RIMS1: variants seen among roughly 807,000 people sequenced by gnomAD.
RIMS1 encodes the protein regulating synaptic membrane exocytosis protein 1.
RIMS1 carries 83 observed loss-of-function variants against 214.1 expected under a neutral mutation model. The observed-to-expected ratio is 0.39, with a 90% CI of 0.32 to 0.47. The LOEUF is 0.47. RIMS1 is among the 20% of genes least tolerant of loss of function. RIMS1 has a pLI of 0.99. For synonymous variants in RIMS1, 793 were observed against 786.8 expected (o/e 1.01, Z -0.13); for missense variants, 2,050 against 2,161.8 (o/e 0.95, Z 1.03).
intron 9 of RIMS1, among the ~76,000 whole-genome samples, chr6:72,240,480 C>T (rs2066270792): frequency 6.6e-6 from 1 of 151,350 alleles, no homozygotes; most frequent in Non-Finnish European, 1.5e-5. Context: ...TGTATGTACT[C>T]ATATAATATG....
chr6:72,325,639 C>T (rs2096423774), intron 28 of RIMS1, among the ~76,000 whole-genome samples: 1 of 151,664 alleles, frequency 6.6e-6, no homozygotes, highest in African/African-American at 2.4e-5. Flanking sequence ...AATCTAAGAC[C>T]TAGGAATAAA....
At chr6:72,207,203 G>A (rs527559907) in intron 6 of RIMS1, among the ~76,000 whole-genome samples, 84 of 152,262 alleles carry the variant, frequency 5.5e-4, no homozygotes, top group African/African-American at 1.9e-3. Flanking sequence ...CACTGGTTTT[G>A]ATTTGTTTTG....
intron 4 of RIMS1, among the ~76,000 whole-genome samples, chr6:72,149,013 G>A (rs916449511): frequency 2.0e-5 from 3 of 152,096 alleles, no homozygotes; most frequent in South Asian, 4.2e-4. Flanking sequence ...AATCTGCCAC[G>A]TAGAAAAGCT....
intron 23 of RIMS1, among the ~76,000 whole-genome samples, chr6:72,277,506 C>T (rs6901399): frequency 0.033 from 4,987 of 151,106 alleles, 250 homozygotes; most frequent in African/African-American, 0.11. Context: ...GGCGTGAACC[C>T]GGGAGGCGGA....
At chr6:72,263,992 TC>T in intron 19 of RIMS1, 1 of 660,748 alleles carries the variant, frequency 1.5e-6, no homozygotes, top group South Asian at 6.8e-5. Context: ...AGACTCTGTC[TC>T]AAAAAAGAAA....
At chr6:72,286,736 T>C (rs570432354) in intron 24 of RIMS1, among the ~76,000 whole-genome samples, 1 of 152,300 alleles carries the variant, frequency 6.6e-6, no homozygotes, top group Admixed American at 6.5e-5. Flanking sequence ...GAAGACACAG[T>C]ATAAATGCTT....
chr6:71,965,206 G>A (rs1042806440), intron 1 of RIMS1, among the ~76,000 whole-genome samples: 18 of 152,182 alleles, frequency 1.2e-4, no homozygotes, highest in Admixed American at 7.9e-4. Flanking sequence ...CTATTTGGCC[G>A]CTTCCTGCAC....
At chr6:72,312,955 A>G (rs888660446) in intron 27 of RIMS1, among the ~76,000 whole-genome samples, 21 of 152,090 alleles carry the variant, frequency 1.4e-4, no homozygotes, top group Admixed American at 1.2e-3. Flanking sequence ...ATATTTTGGT[A>G]TATTTTTTCT....
chr6:72,150,879 C>T (rs1373792757), intron 4 of RIMS1, among the ~76,000 whole-genome samples: 1 of 152,078 alleles, frequency 6.6e-6, no homozygotes, highest in Non-Finnish European at 1.5e-5. Context: ...CATTTGATGT[C>T]TTTTTCTGCT....
At chr6:72,263,316 G>A (rs145121818) in intron 19 of RIMS1, 1 of 985,166 alleles carries the variant, frequency 1.0e-6, no homozygotes, top group Non-Finnish European at 1.2e-6. Context: ...TAGAGAAAAT[G>A]CTATAGTTGC....
intron 26 of RIMS1, among the ~76,000 whole-genome samples, chr6:72,292,358 A>G (rs1010375513): frequency 2.6e-5 from 4 of 152,150 alleles, no homozygotes; most frequent in African/African-American, 4.8e-5. Context: ...TCATTGCAAT[A>G]TGGCATTTTA....
intron 2 of RIMS1, among the ~76,000 whole-genome samples, chr6:72,030,328 C>T (rs567332635): frequency 1.8e-3 from 267 of 152,212 alleles, no homozygotes; most frequent in Middle Eastern, 0.01. Context: ...AGAGACTTTT[C>T]CCTCTATTAG....
chr6:72,185,404 TGAAA>T (rs1562524894), intron 6 of RIMS1, among the ~76,000 whole-genome samples: 2 of 151,968 alleles, frequency 1.3e-5, no homozygotes, highest in Admixed American at 6.6e-5. Context: ...AAGGAAATCA[TGAAA>T]GAGATTGTGG....
intron 16 of RIMS1, among the ~76,000 whole-genome samples, chr6:72,256,192 T>C (rs2075779928): frequency 6.6e-6 from 1 of 152,140 alleles, no homozygotes; most frequent in South Asian, 2.1e-4. Flanking sequence ...CAAAGAACTA[T>C]AAATGTATAT....
chr6:71,895,231 T>C (rs1207830880), intron 1 of RIMS1, among the ~76,000 whole-genome samples: 1 of 152,256 alleles, frequency 6.6e-6, no homozygotes, highest in Non-Finnish European at 1.5e-5. Flanking sequence ...TACATATGGC[T>C]TTCTGTACTT....
At chr6:72,092,932 C>G (rs1836695595) in intron 2 of RIMS1, among the ~76,000 whole-genome samples, 1 of 152,140 alleles carries the variant, frequency 6.6e-6, no homozygotes, top group Non-Finnish European at 1.5e-5. Flanking sequence ...GCCTGCCCAC[C>G]TGTCACAGCC....
intron 29 of RIMS1, among the ~76,000 whole-genome samples, chr6:72,357,958 G>A (rs536021145): frequency 2.0e-5 from 3 of 152,236 alleles, no homozygotes; most frequent in East Asian, 3.9e-4. Context: ...GATGCTCAAC[G>A]TCTTTACATT....
chr6:72,361,096 CTTTTTTTTTTTTTT>C (rs70994124), intron 29 of RIMS1, among the ~76,000 whole-genome samples: 1 of 54,386 alleles, frequency 1.8e-5, no homozygotes, highest in East Asian at 4.9e-4. Context: ...GTCTTTCTTT[CTTTTTTTTTTTTTT>C]TTTTTTTTTT....
chr6:72,186,655 G>A (rs1467840566), intron 6 of RIMS1, among the ~76,000 whole-genome samples: 2 of 152,022 alleles, frequency 1.3e-5, no homozygotes, highest in African/African-American at 2.4e-5. Flanking sequence ...TATTTAGGGG[G>A]ACTGTTTGCA....
Sources: gnomAD v4.1 joint callset for allele counts (sites outside exome capture counted in the v4.1 genomes callset) on GRCh38, gnomAD v4.1.1 for gene constraint, MANE v1.5 for transcripts, NCBI Gene and HGNC (gene_info 2026-07-23, HGNC 2026-07-21) for gene names.